EXOC6B: variants seen among roughly 807,000 people sequenced by gnomAD.
EXOC6B encodes SEC15 homolog B.
In EXOC6B, 54 loss-of-function variants were observed where a neutral mutation model predicts 113.5. The observed-to-expected ratio is 0.48, with a 90% confidence interval of 0.38 to 0.60. EXOC6B has a LOEUF of 0.60. Among genes scored for constraint, EXOC6B ranks in the 20% least tolerant of loss-of-function variants. The pLI is 0.00. For missense variants in EXOC6B, 797 were observed against 977.5 expected (o/e 0.82, Z 2.46); for synonymous variants, 357 against 339.0 (o/e 1.05, Z -0.58).
At chr2:72,397,226 C>T (rs937663672) in intron 18 of EXOC6B, among the ~76,000 whole-genome samples, 1 of 152,126 alleles carries the variant, frequency 6.6e-6, no homozygotes, top group African/African-American at 2.4e-5. Context: ...TAGCAGCTAT[C>T]TTGGAACCTT....
chr2:72,654,319 T>C (rs13401801), intron 6 of EXOC6B, among the ~76,000 whole-genome samples: 3 of 152,200 alleles, frequency 2.0e-5, no homozygotes, highest in Non-Finnish European at 4.4e-5. Flanking sequence ...TCAATCTACA[T>C]AGAAGTCTTT....
At chr2:72,335,985 C>G (rs1273280933) in intron 19 of EXOC6B, among the ~76,000 whole-genome samples, 1 of 151,712 alleles carries the variant, frequency 6.6e-6, no homozygotes, top group Non-Finnish European at 1.5e-5. Context: ...CTGAGCCCTG[C>G]TTATTATGAA....
At chr2:72,634,599 T>A (rs992444353) in intron 6 of EXOC6B, among the ~76,000 whole-genome samples, 9 of 152,128 alleles carry the variant, frequency 5.9e-5, no homozygotes, top group African/African-American at 2.2e-4. Flanking sequence ...AAATCCACAC[T>A]TATAAATGGG....
chr2:72,662,616 C>T lies in EXOC6B; in HGVS notation c.669+55487G>A, dbSNP rs190293452. On this transcript the variant is annotated intron_variant, in intron 6 of 21. Transcript: ENST00000272427. ...AAATTAAAACCACAATAACCTATCA[C>T]TACACATATAAAACCTAGGGGAAAA... Among the ~76,000 whole-genome samples, 195 of 152,302 alleles carry T rather than the reference C, an allele frequency of 1.3e-3. 1 individual carries two copies. Among genetic ancestry groups the T allele is most frequent in the African/African-American group, 4.5e-3 (189 of 41,562 alleles).
intron 16 of EXOC6B, among the ~76,000 whole-genome samples, chr2:72,482,401 T>C (rs988426461): frequency 3.7e-4 from 56 of 152,130 alleles, no homozygotes; most frequent in African/African-American, 1.3e-3. Flanking sequence ...CAAAAATATG[T>C]CTGATGGTGA....
At chr2:72,327,238 A>T (rs1021791852) in intron 20 of EXOC6B, among the ~76,000 whole-genome samples, 2 of 152,038 alleles carry the variant, frequency 1.3e-5, no homozygotes, top group African/African-American at 4.8e-5. Flanking sequence ...TGGGGCTTAC[A>T]TTGCTACTAA....
chr2:72,458,392 G>A (rs1330146366), intron 18 of EXOC6B, among the ~76,000 whole-genome samples: 1 of 152,070 alleles, frequency 6.6e-6, no homozygotes, highest in Non-Finnish European at 1.5e-5. Context: ...CTATTTTGTG[G>A]AAACCCAGAT....
intron 6 of EXOC6B, among the ~76,000 whole-genome samples, chr2:72,617,093 C>T (rs941294640): frequency 4.1e-4 from 62 of 152,314 alleles, no homozygotes; most frequent in African/African-American, 1.5e-3. Context: ...AATCTTAAAG[C>T]TCCAAAATGA....
intron 19 of EXOC6B, among the ~76,000 whole-genome samples, chr2:72,353,386 T>TGTATTGTATTG (rs774320429): frequency 2.6e-5 from 4 of 151,466 alleles, no homozygotes; most frequent in Admixed American, 1.3e-4. Flanking sequence ...TGTATCGTAT[T>TGTATTGTATTG]TTTGAGATGG....
chr2:72,303,596 T>C (rs1040327493), intron 20 of EXOC6B, among the ~76,000 whole-genome samples: 1 of 152,198 alleles, frequency 6.6e-6, no homozygotes, highest in Non-Finnish European at 1.5e-5. Context: ...CATTTTATTA[T>C]TATTCTTAGT....
intron 6 of EXOC6B, among the ~76,000 whole-genome samples, chr2:72,626,049 C>T (rs6707435): frequency 0.96 from 145,728 of 152,222 alleles, 69,797 homozygotes; most frequent in East Asian, 1. Context: ...GGACTATATA[C>T]ATAAGTCAAG....
At chr2:72,716,440 C>A (rs1169154070) in intron 6 of EXOC6B, among the ~76,000 whole-genome samples, 1 of 152,116 alleles carries the variant, frequency 6.6e-6, no homozygotes, top group Non-Finnish European at 1.5e-5. Context: ...CTCGGTACTA[C>A]AAAAGATTTT....
intron 1 of EXOC6B, among the ~76,000 whole-genome samples, chr2:72,774,803 T>TA (rs1683602491): frequency 6.6e-6 from 1 of 152,176 alleles, no homozygotes; most frequent in African/African-American, 2.4e-5. Flanking sequence ...CTCAGTCCCA[T>TA]AAAACTGACA....
At chr2:72,649,932 T>A (rs374508816) in intron 6 of EXOC6B, among the ~76,000 whole-genome samples, 1 of 152,204 alleles carries the variant, frequency 6.6e-6, no homozygotes, top group South Asian at 2.1e-4. Context: ...ATCATAGATA[T>A]AAATGTAAAA....
At chr2:72,492,657 T>G (rs1699809909) in intron 15 of EXOC6B, among the ~76,000 whole-genome samples, 1 of 111,286 alleles carries the variant, frequency 9.0e-6, no homozygotes, top group Non-Finnish European at 2.1e-5. Flanking sequence ...TCTATAGAAT[T>G]CTGGCTGTTT....
chr2:72,751,562 G>A (rs1682045318), intron 1 of EXOC6B, among the ~76,000 whole-genome samples: 2 of 151,942 alleles, frequency 1.3e-5, no homozygotes, highest in African/African-American at 2.4e-5. Flanking sequence ...AGATGGTGGG[G>A]GCACCTTAAA....
At chr2:72,414,462 T>C (rs1013291368) in intron 18 of EXOC6B, among the ~76,000 whole-genome samples, 1 of 152,138 alleles carries the variant, frequency 6.6e-6, no homozygotes, top group African/African-American at 2.4e-5. Context: ...AAAAAAAAAT[T>C]AGTTTCAAGG....
chr2:72,805,588 A>C (rs1443745051), intron 1 of EXOC6B, among the ~76,000 whole-genome samples: 2 of 152,212 alleles, frequency 1.3e-5, no homozygotes, highest in Non-Finnish European at 2.9e-5. Context: ...AAATGATTAA[A>C]TCAAGGTAAT....
intron 19 of EXOC6B, among the ~76,000 whole-genome samples, chr2:72,345,301 A>T (rs1016367203): frequency 6.6e-6 from 1 of 152,162 alleles, no homozygotes; most frequent in Admixed American, 6.5e-5. Context: ...ACATACTCTT[A>T]TCATCAGCCC....
Sources: allele counts gnomAD v4.1 joint callset (sites outside exome capture counted in the v4.1 genomes callset), GRCh38; gene constraint gnomAD v4.1.1; transcripts MANE v1.5; gene names NCBI Gene and HGNC (gene_info 2026-07-23, HGNC 2026-07-21).